OCLN: variants seen among roughly 807,000 people sequenced by gnomAD.
OCLN encodes occludin, also known as phosphatase 1, regulatory subunit 115.
In OCLN, 21 loss-of-function variants were observed where a neutral mutation model predicts 47.9. The observed-to-expected ratio is 0.44, with a 90% confidence interval of 0.31 to 0.63. OCLN has a LOEUF of 0.63. OCLN is among the 30% of genes least tolerant of loss of function. OCLN has a pLI of 0.08. For missense variants in OCLN, 360 were observed against 571.0 expected (o/e 0.63, Z 3.77); for synonymous variants, 117 against 198.4 (o/e 0.59, Z 3.45).
chr5:69,515,616 C>T (rs1436124807), intron 4 of OCLN, among the ~76,000 whole-genome samples: 9 of 145,664 alleles, frequency 6.2e-5, no homozygotes, highest in Non-Finnish European at 9.1e-5. Flanking sequence ...CCGGACGGGG[C>T]GGCTGGCCGG....
rs771757543 is a variant in OCLN at position 69,509,234 on chromosome 5, A to T, written c.144A>T (p.Pro48=). The change falls in exon 3 of 9, where the codon CCA becomes CCT. Residue 48 remains proline (P), a synonymous_variant. Transcript: ENST00000396442. Reference sequence around the variant, plus strand: ...CTCAGCCAGCCTACTCTTTTTACCCAGAAGATGAAATTCTTCACTTCTACA... The same window carrying T: ...CTCAGCCAGCCTACTCTTTTTACCCTGAAGATGAAATTCTTCACTTCTACA... ...MLSQPAYSFY[P]EDEILHFYKW... 1.2e-6 allele frequency: 2 copies of T among 1,614,096 alleles called. No homozygotes were observed. Among genetic ancestry groups the T allele is most frequent in the Non-Finnish European group, 1.7e-6 (2 of 1,180,012 alleles).
At chr5:69,515,132 G>C (rs1326319056) in intron 4 of OCLN, among the ~76,000 whole-genome samples, 1 of 139,396 alleles carries the variant, frequency 7.2e-6, no homozygotes, top group Non-Finnish European at 1.5e-5. Context: ...CTCCTGGACC[G>C]GGCGGCTGGC....
At position 69,504,256 on chromosome 5, in the gene OCLN, G is replaced by C. The variant is rs1032322032; in HGVS notation, c.12G>C (p.Arg4Ser). Reference sequence around the variant, plus strand: ...ATTGACAATCAGCCATGTCATCCAGGCCTCTTGAAAGTCCACCTCCTTACA... The same window carrying C: ...ATTGACAATCAGCCATGTCATCCAGCCCTCTTGAAAGTCCACCTCCTTACA... MSSRPLESPPPYRP... is the reference protein window; with the variant it reads MSSSPLESPPPYRP... The change falls in exon 2 of 9, where the codon AGG becomes AGC. Residue 4 changes from arginine to serine, a missense_variant. By Grantham distance (110) the Arg-to-Ser change is moderately radical. This residue lies in a region of OCLN where 314 missense variants were observed against 368.1 expected (regional missense o/e 0.85). Transcript: ENST00000396442. The C allele has an allele frequency of 6.2e-7, 1 of 1,609,520 alleles. No individual in the cohort carries two copies. Among genetic ancestry groups the C allele is most frequent in the South Asian group, 1.1e-5 (1 of 90,960 alleles).
intron 3 of OCLN, among the ~76,000 whole-genome samples, chr5:69,510,816 G>A (rs1472161780): frequency 6.6e-6 from 1 of 152,132 alleles, no homozygotes; most frequent in Non-Finnish European, 1.5e-5. Flanking sequence ...AATCTTTTGG[G>A]GAGCTACCAG....
intron 4 of OCLN, among the ~76,000 whole-genome samples, chr5:69,521,015 T>C (rs1769122964): frequency 6.6e-6 from 1 of 152,146 alleles, no homozygotes; most frequent in Non-Finnish European, 1.5e-5. Context: ...GTCTAGCTAA[T>C]TTTTGTACTT....
Position 69,534,675 on chromosome 5 carries a change from T to A in OCLN, c.892-19T>A. On this transcript the variant is annotated intron_variant, in intron 4 of 8. Coordinates refer to ENST00000396442, the MANE Select transcript of OCLN (RefSeq NM_001205254.2). ...TTCATTACAAGATAAATAATAACTA[T>A]CTCTTGGGGTTTTTTAAGGTTAAAA... 1 of 586,012 alleles carries A rather than the reference T, an allele frequency of 1.7e-6. No individual in the cohort carries two copies. Among genetic ancestry groups the A allele is most frequent in the Non-Finnish European group, 2.9e-6 (1 of 348,226 alleles). 36.3% of individuals were successfully genotyped at this position (586,012 alleles called of 1,614,324 possible).
intron 1 of OCLN, among the ~76,000 whole-genome samples, chr5:69,498,063 C>T (rs906666220): frequency 6.6e-6 from 1 of 151,014 alleles, no homozygotes; most frequent in Non-Finnish European, 1.5e-5. Context: ...ACCCGGGAGG[C>T]GGAGCTTGCA....
chr5:69,505,295 A>G (rs1021690204), intron 2 of OCLN, among the ~76,000 whole-genome samples: 4 of 152,204 alleles, frequency 2.6e-5, no homozygotes, highest in African/African-American at 9.7e-5. Flanking sequence ...ATTGAGATAT[A>G]ATTAACATAC....
intron 4 of OCLN, 117 bp from the exon 5 acceptor site, chr5:69,534,572 AGTGTT>A: frequency 3.2e-6 from 1 of 312,006 alleles, no homozygotes; most frequent in South Asian, 2.5e-5. Context: ...TTTTATTATT[AGTGTT>A]AATAGTATTT....
chr5:69,515,500 CA>C (rs1768918526), intron 4 of OCLN, among the ~76,000 whole-genome samples: 1 of 119,126 alleles, frequency 8.4e-6, no homozygotes, highest in Non-Finnish European at 1.8e-5. Context: ...AGGCGCCCCT[CA>C]CCTCCCGGAC....
At chr5:69,550,390 C>T (rs1269077238) in intron 7 of OCLN, among the ~76,000 whole-genome samples, 2 of 150,176 alleles carry the variant, frequency 1.3e-5, no homozygotes, top group Admixed American at 6.7e-5. Flanking sequence ...CGGGGTTTTG[C>T]CATGTTGGTC....
At chr5:69,514,591 A>G (rs929642778) in intron 4 of OCLN, among the ~76,000 whole-genome samples, 1 of 151,398 alleles carries the variant, frequency 6.6e-6, no homozygotes, top group Non-Finnish European at 1.5e-5. Context: ...TGGCAGGGTC[A>G]TAGGACAATA....
At chr5:69,528,556 C>T (rs1432195818) in intron 4 of OCLN, among the ~76,000 whole-genome samples, 1 of 152,100 alleles carries the variant, frequency 6.6e-6, no homozygotes, top group Non-Finnish European at 1.5e-5. Context: ...AATACCCATC[C>T]AAGATGGGTA....
intron 4 of OCLN, among the ~76,000 whole-genome samples, chr5:69,519,457 C>CT (rs915818057): frequency 6.6e-6 from 1 of 152,092 alleles, no homozygotes; most frequent in East Asian, 1.9e-4. Flanking sequence ...CTTCTTAGGG[C>CT]TTTTTTTCCC....
chr5:69,514,963 C>T (rs1387218423), intron 4 of OCLN, among the ~76,000 whole-genome samples: 2 of 152,228 alleles, frequency 1.3e-5, no homozygotes, highest in Non-Finnish European at 2.9e-5. Flanking sequence ...TTTCTCAATC[C>T]TTTCCCCGCC....
chr5:69,506,262 T>G (rs188928074), intron 2 of OCLN, among the ~76,000 whole-genome samples: 7 of 152,166 alleles, frequency 4.6e-5, no homozygotes, highest in Admixed American at 1.3e-4. Flanking sequence ...CTGGGCAACA[T>G]AGGGAAACCC....
intron 4 of OCLN, among the ~76,000 whole-genome samples, chr5:69,517,861 AG>A (rs1483478325): frequency 6.6e-6 from 1 of 152,140 alleles, no homozygotes; most frequent in Non-Finnish European, 1.5e-5. Context: ...CCTCCAGGCA[AG>A]GCCACTTGTA....
chr5:69,496,070 T>C (rs2111923030), intron 1 of OCLN, among the ~76,000 whole-genome samples: 1 of 152,270 alleles, frequency 6.6e-6, no homozygotes, highest in Non-Finnish European at 1.5e-5. Flanking sequence ...GTGCCTGTAG[T>C]CTAAATCATT....
chr5:69,550,466 A>C (rs1769837106), intron 7 of OCLN, among the ~76,000 whole-genome samples: 1 of 151,656 alleles, frequency 6.6e-6, no homozygotes, highest in African/African-American at 2.4e-5. Context: ...TGCTGGAATT[A>C]CGTGTGTGAG....
Sources: allele counts gnomAD v4.1 joint callset (sites outside exome capture counted in the v4.1 genomes callset), GRCh38; gene constraint gnomAD v4.1.1; regional missense constraint gnomAD v4.1.1; transcripts MANE v1.5; gene names NCBI Gene and HGNC (gene_info 2026-07-23, HGNC 2026-07-21).